MBD5: variants seen among roughly 807,000 people sequenced by gnomAD.
The protein encoded by MBD5 is methyl-CpG binding domain protein 5, also known as methyl-CpG-binding domain protein 5.
Under a neutral mutation model 117.3 loss-of-function variants are expected in MBD5, and 13 were observed. The ratio of observed to expected loss-of-function variants is 0.11; its 90% CI spans 0.07 to 0.18. The LOEUF is 0.18. Ranked by LOEUF, MBD5 falls within the 10% of genes least tolerant of loss-of-function variation. MBD5 has a pLI of 1.00. For missense variants in MBD5, 1,879 were observed against 2,093.8 expected (o/e 0.90, Z 2.00); for synonymous variants, 727 against 766.4 (o/e 0.95, Z 0.85).
chr2:148,114,667 C>T (rs180993549), intron 1 of MBD5, among the ~76,000 whole-genome samples: 64 of 152,066 alleles, frequency 4.2e-4, no homozygotes, highest in African/African-American at 1.4e-3. Context: ...AAGGTCTGGA[C>T]GTGAGAATAA....
chr2:148,146,634 T>A (rs1185661926), intron 1 of MBD5, among the ~76,000 whole-genome samples: 1 of 152,164 alleles, frequency 6.6e-6, no homozygotes, highest in East Asian at 1.9e-4. Context: ...GTACTCATAT[T>A]AAGGTTATTT....
At chr2:148,448,483 G>A (rs907595474) in intron 4 of MBD5, among the ~76,000 whole-genome samples, 2 of 151,570 alleles carry the variant, frequency 1.3e-5, no homozygotes, top group African/African-American at 4.8e-5. Flanking sequence ...GGTTACTAGG[G>A]TACTAGCAGA....
chr2:148,468,808 T>G lies in MBD5; in HGVS notation c.865T>G (p.Cys289Gly). The G allele has an allele frequency of 1.2e-6, 2 of 1,613,962 alleles. No individual in the cohort carries two copies. Residue 289 changes from cysteine (C) to glycine (G), a missense_variant, in exon 8 of 14, where the codon TGT becomes GGT. Around this residue, in one of 4 missense-constraint regions of MBD5, gnomAD observed 1,666 missense variants for 1,792.2 expected, o/e 0.93. Coordinates refer to ENST00000642680, the MANE Select transcript of MBD5 (RefSeq NM_001378120.1). ...MLHGSPVQSS[C>G]AMAGRTNIPL... ...ACATGGTTCTCCTGTACAGTCATCCTGTGCAATGGCTGGAAGGACTAATAT... is the reference window on the plus strand; with the variant it reads ...ACATGGTTCTCCTGTACAGTCATCCGGTGCAATGGCTGGAAGGACTAATAT...
intron 1 of MBD5, among the ~76,000 whole-genome samples, chr2:148,024,440 C>T (rs2105539345): frequency 1.3e-5 from 2 of 152,172 alleles, no homozygotes; most frequent in East Asian, 3.9e-4. Flanking sequence ...TGCCTAAAAA[C>T]AAACATTTTT....
intron 1 of MBD5, among the ~76,000 whole-genome samples, chr2:148,114,886 C>T (rs1696592224): frequency 6.6e-6 from 1 of 150,882 alleles, no homozygotes; most frequent in Admixed American, 6.6e-5. Context: ...ATAATGTGTA[C>T]ATTGAAAAAA....
At chr2:148,187,214 C>G (rs1483288235) in intron 2 of MBD5, among the ~76,000 whole-genome samples, 1 of 152,016 alleles carries the variant, frequency 6.6e-6, no homozygotes. Context: ...CCTGGACATA[C>G]TAGCCAGTCC....
At chr2:148,056,799 T>A (rs1694877781) in intron 1 of MBD5, among the ~76,000 whole-genome samples, 1 of 151,948 alleles carries the variant, frequency 6.6e-6, no homozygotes, top group African/African-American at 2.4e-5. Flanking sequence ...TTGTATAAGA[T>A]TAGAATTGTG....
intron 4 of MBD5, among the ~76,000 whole-genome samples, chr2:148,432,457 A>G (rs1195418348): frequency 6.6e-6 from 1 of 152,140 alleles, no homozygotes; most frequent in Admixed American, 6.6e-5. Flanking sequence ...CTATATCCAG[A>G]ATAGTATTTC....
intron 3 of MBD5, among the ~76,000 whole-genome samples, chr2:148,335,806 G>T (rs1335035020): frequency 6.6e-6 from 1 of 152,118 alleles, no homozygotes; most frequent in African/African-American, 2.4e-5. Flanking sequence ...CAGACAATTT[G>T]CTTTGTATAT....
chr2:148,164,039 A>C (rs1698071210), intron 1 of MBD5, among the ~76,000 whole-genome samples: 1 of 152,190 alleles, frequency 6.6e-6, no homozygotes, highest in South Asian at 2.1e-4. Flanking sequence ...TAGTAAGGCA[A>C]AGTGAATGAT....
chr2:148,507,482 G>T (rs569372476), intron 12 of MBD5, among the ~76,000 whole-genome samples: 1 of 152,104 alleles, frequency 6.6e-6, no homozygotes, highest in Non-Finnish European at 1.5e-5. Flanking sequence ...TACTTGGGCC[G>T]GGCGCGGTGG....
At chr2:148,089,003 G>A (rs1473838594) in intron 1 of MBD5, among the ~76,000 whole-genome samples, 1 of 151,838 alleles carries the variant, frequency 6.6e-6, no homozygotes, top group Non-Finnish European at 1.5e-5. Flanking sequence ...GGTAAAGGGT[G>A]GAAAAAAATA....
At chr2:148,086,283 G>A (rs1451570008) in intron 1 of MBD5, among the ~76,000 whole-genome samples, 1 of 152,006 alleles carries the variant, frequency 6.6e-6, no homozygotes, top group Non-Finnish European at 1.5e-5. Context: ...GTATAGTCAT[G>A]TGACTCTGGA....
intron 2 of MBD5, chr2:148,219,869 ATAT>A (rs1368906967): frequency 6.6e-6 from 1 of 152,214 alleles, no homozygotes; most frequent in Non-Finnish European, 1.5e-5. Flanking sequence ...GGATAGTCAA[ATAT>A]TATCACAATT....
intron 1 of MBD5, among the ~76,000 whole-genome samples, chr2:148,144,281 TG>T (rs1454316130): frequency 6.6e-6 from 1 of 151,862 alleles, no homozygotes; most frequent in Admixed American, 6.6e-5. Context: ...TTTGCCCACT[TG>T]TTGATGGGGT....
At chr2:148,502,367 G>C in intron 11 of MBD5, 69 bp from the exon 12 acceptor site, 1 of 1,458,232 alleles carries the variant, frequency 6.9e-7, no homozygotes, top group Admixed American at 1.7e-5. Context: ...TGTACGGCAG[G>C]AAAGTAAAAA....
At chr2:148,489,346 A>G (rs766864639) in intron 10 of MBD5, 40 bp from the exon 11 acceptor site, 17 of 1,613,276 alleles carry the variant, frequency 1.1e-5, no homozygotes, top group Middle Eastern at 1.6e-4. Context: ...CCTCAAAATT[A>G]TTTCCCTTTC....
At position 148,483,541 on chromosome 2, in the gene MBD5, G is replaced by A. The variant is rs753148102; in HGVS notation, c.2950G>A (p.Val984Ile). The A allele has an allele frequency of 5.6e-6, 9 of 1,594,634 alleles. No homozygotes were observed. Among genetic ancestry groups the A allele is most frequent in the Admixed American group, 3.6e-5 (2 of 55,704 alleles). Residue 984 changes from valine to isoleucine, a missense_variant, in exon 9 of 14, where the codon GTT becomes ATT. Val to Ile is a conservative substitution (Grantham distance 29). This residue lies in a region of MBD5 where 1,666 missense variants were observed against 1,792.2 expected (regional missense o/e 0.93). Coordinates refer to ENST00000642680, the MANE Select transcript of MBD5 (RefSeq NM_001378120.1). The part of the protein sequence containing the change: ...SDMDGQVLQP[V>I]HFQLLAALLQ... The stretch of plus-strand genomic sequence containing the variant: ...CATGGATGGGCAGGTATTGCAGCCT[G>A]TTCACTTTCAGCTCTTAGCAGCCTT...
intron 2 of MBD5, among the ~76,000 whole-genome samples, chr2:148,200,366 T>G (rs1204523894): frequency 6.6e-6 from 1 of 152,084 alleles, no homozygotes; most frequent in African/African-American, 2.4e-5. Flanking sequence ...TAAAAGCAAG[T>G]CTAATTCAGA....
Sources: gnomAD v4.1 joint callset for allele counts (sites outside exome capture counted in the v4.1 genomes callset) on GRCh38, gnomAD v4.1.1 for gene constraint, gnomAD v4.1.1 regional missense constraint, MANE v1.5 for transcripts, NCBI Gene and HGNC (gene_info 2026-07-23, HGNC 2026-07-21) for gene names.